C21orf91: variants seen among roughly 807,000 people sequenced by gnomAD.
C21orf91 encodes protein EURL homolog.
Under a neutral mutation model 32.9 loss-of-function variants are expected in C21orf91, and 26 were observed. The ratio of observed to expected loss-of-function variants is 0.79; its 90% CI spans 0.58 to 1.10. C21orf91 has a LOEUF of 1.10. Ranked by LOEUF, C21orf91 falls within the 50% of genes least tolerant of loss-of-function variation. The probability of loss-of-function intolerance (pLI) is 0.00; values close to 1 mark genes in which losing one functional copy is unlikely to be tolerated. For missense variants in C21orf91, 310 were observed against 341.3 expected, an observed-to-expected ratio of 0.91 and a Z score of 0.72; for synonymous variants, 126 against 120.4, an observed-to-expected ratio of 1.05 and a Z score of -0.31.
chr21:17,816,470 A>C (rs2062665364), intron 2 of C21orf91, among the ~76,000 whole-genome samples: 1 of 152,242 alleles, frequency 6.6e-6, no homozygotes. Flanking sequence ...AAGGATAACC[A>C]ATTAGGATTA....
rs78941194 is a variant in C21orf91 at position 17,795,940 on chromosome 21, T to C, written c.664+642A>G. Among the ~76,000 whole-genome samples the C allele has an allele frequency of 2.7e-3, 411 of 152,356 alleles. 13 individuals carry two copies. In the East Asian group the frequency reaches 0.072, roughly 27 times the overall value. The stretch of plus-strand genomic sequence containing the variant: ...AAGCTTATTTTGATTAAGCATTAGA[T>C]AGTTTATAACCTGCAGTTTGAAAAA... On this transcript the variant is annotated intron_variant, in intron 3 of 4. Coordinates refer to ENST00000284881, the MANE Select transcript of C21orf91 (RefSeq NM_001100420.2).
intron 2 of C21orf91, among the ~76,000 whole-genome samples, chr21:17,805,273 G>A (rs892100498): frequency 7.9e-5 from 12 of 152,160 alleles, no homozygotes; most frequent in Non-Finnish European, 2.9e-5. Context: ...AAGAGAACAT[G>A]GATAGAAGCT....
chr21:17,805,809 A>C (rs1171074853), intron 2 of C21orf91, among the ~76,000 whole-genome samples: 1 of 152,220 alleles, frequency 6.6e-6, no homozygotes, highest in Non-Finnish European at 1.5e-5. Context: ...AAAGGATTTA[A>C]GTGAATGTAC....
intron 1 of C21orf91, 38 bp from the exon 2 acceptor site, chr21:17,818,363 T>G: frequency 6.4e-7 from 1 of 1,563,832 alleles, no homozygotes; most frequent in Non-Finnish European, 8.7e-7. Flanking sequence ...CACAATTTCA[T>G]GAACCTGCCT....
intron 2 of C21orf91, among the ~76,000 whole-genome samples, chr21:17,804,429 T>C (rs2062582194): frequency 6.6e-6 from 1 of 152,212 alleles, no homozygotes; most frequent in Admixed American, 6.5e-5. Flanking sequence ...CTCACCCTCA[T>C]GCCTTTAGCT....
chr21:17,805,616 C>A (rs574291944), intron 2 of C21orf91, among the ~76,000 whole-genome samples: 3 of 152,188 alleles, frequency 2.0e-5, no homozygotes, highest in Middle Eastern at 3.4e-3. Context: ...ACCCAGCTAG[C>A]GTACTGATAT....
chr21:17,803,531 A>G (rs2062576132), intron 2 of C21orf91, among the ~76,000 whole-genome samples: 1 of 152,168 alleles, frequency 6.6e-6, no homozygotes, highest in Non-Finnish European at 1.5e-5. Flanking sequence ...AAAAGAAAAA[A>G]AAGTTTTTTA....
Position 17,790,623 on chromosome 21 carries a change from G to C in C21orf91, c.*2792C>G, listed in dbSNP as rs1264495610. 6.6e-6 allele frequency: 1 copy of C among 151,994 alleles called. No homozygotes were observed. The highest frequency in any genetic ancestry group is 1.5e-5 in the Non-Finnish European group (1 of 67,918). The allele number at this position is 151,994 out of a possible 1,614,324, so 9.4% of individuals were successfully genotyped here. A position where few individuals can be genotyped will look rare whatever the true frequency, so the allele number is the denominator to read the frequency against. ...TGCTCCACCATTGTGCATAGTCAACGACACAACAAAACACTATTCTGCTGC... is the reference window on the plus strand; with the variant it reads ...TGCTCCACCATTGTGCATAGTCAACCACACAACAAAACACTATTCTGCTGC... On this transcript the variant is annotated 3_prime_UTR_variant, in exon 5 of 5. Coordinates refer to ENST00000284881, the MANE Select transcript of C21orf91 (RefSeq NM_001100420.2).
intron 2 of C21orf91, among the ~76,000 whole-genome samples, chr21:17,806,525 G>A (rs1027267555): frequency 6.6e-6 from 1 of 152,120 alleles, no homozygotes. Context: ...AAAAAATGGA[G>A]GAGAGGGTAA....
At chr21:17,812,537 C>T (rs1192705246) in intron 2 of C21orf91, among the ~76,000 whole-genome samples, 2 of 152,136 alleles carry the variant, frequency 1.3e-5, no homozygotes, top group South Asian at 2.1e-4. Context: ...TGGCCGGGCG[C>T]GGTGGCTCAC....
chr21:17,791,400 T>C lies in C21orf91; in HGVS notation c.*2015A>G, dbSNP rs2062472916. 1.3e-5 allele frequency: 2 copies of C among 152,160 alleles called. No homozygotes were observed. Among genetic ancestry groups the C allele is most frequent in the African/African-American group, 2.4e-5 (1 of 41,456 alleles). The allele number at this position is 152,160 out of a possible 1,614,324, so 9.4% of individuals were successfully genotyped here. A position where few individuals can be genotyped will look rare whatever the true frequency, so the allele number is the denominator to read the frequency against. On this transcript the variant is annotated 3_prime_UTR_variant, in exon 5 of 5. Coordinates refer to ENST00000284881, the MANE Select transcript of C21orf91 (RefSeq NM_001100420.2). ...TTCCGTACTCATTAGCAAAGCTATGTATATTTGTCAGAAAACTCCTTTCTT... is the reference window on the plus strand; with the variant it reads ...TTCCGTACTCATTAGCAAAGCTATGCATATTTGTCAGAAAACTCCTTTCTT...
chr21:17,815,595 G>A (rs1018593949), intron 2 of C21orf91, among the ~76,000 whole-genome samples: 1 of 151,734 alleles, frequency 6.6e-6, no homozygotes, highest in Non-Finnish European at 1.5e-5. Context: ...CTAAAGACCC[G>A]TATACTGATA....
chr21:17,800,002 T>G lies in C21orf91; in HGVS notation c.128-2884A>C, dbSNP rs559658373. Among the ~76,000 whole-genome samples, 13 of 152,324 alleles carry G rather than the reference T, an allele frequency of 8.5e-5. No individual in the cohort carries two copies. In the South Asian group the frequency reaches 2.7e-3, roughly 32 times the overall value. ...CTTTCAGTGAAGTTACTCCTATATT[T>G]AGTCTAATGGGCTATTAGTCTAAAG... is the stretch of plus-strand genomic sequence containing the variant. On this transcript the variant is annotated intron_variant, in intron 2 of 4. Transcript: ENST00000284881.
rs1230721245 is a variant in C21orf91 at position 17,789,682 on chromosome 21, C to A, written c.*3733G>T. 1.3e-5 allele frequency: 2 copies of A among 152,164 alleles called. No individual in the cohort carries two copies. Among genetic ancestry groups the A allele is most frequent in the East Asian group, 3.9e-4 (2 of 5,192 alleles). 9.4% of individuals were successfully genotyped at this position (152,164 alleles called of 1,614,324 possible). On this transcript the variant is annotated 3_prime_UTR_variant, in exon 5 of 5. Coordinates refer to ENST00000284881, the MANE Select transcript of C21orf91 (RefSeq NM_001100420.2). ...AGAAGTTGCTTAATAGGTTAGACTG[C>A]ACCATAATCAAGGCAATTATGAAAG...
At chr21:17,799,479 T>G (rs1288371971) in intron 2 of C21orf91, among the ~76,000 whole-genome samples, 3 of 152,150 alleles carry the variant, frequency 2.0e-5, no homozygotes, top group Non-Finnish European at 4.4e-5. Flanking sequence ...CCTTGAAAGC[T>G]CTTCACTCCC....
At chr21:17,819,254 T>TG (rs1238048001) in intron 1 of C21orf91, 49 bp downstream of exon 1, 4 of 152,248 alleles carry the variant, frequency 2.6e-5, no homozygotes, top group Non-Finnish European at 5.9e-5. Context: ...ACGATGGGAC[T>TG]GGGGGTCGGG....
intron 2 of C21orf91, among the ~76,000 whole-genome samples, chr21:17,801,128 T>C (rs549122398): frequency 1.3e-5 from 2 of 152,180 alleles, no homozygotes; most frequent in Non-Finnish European, 2.9e-5. Flanking sequence ...CTAGTCACAA[T>C]AGCAAAGACA....
intron 2 of C21orf91, 85 bp from the exon 3 acceptor site, chr21:17,797,203 CAG>C: frequency 1.2e-6 from 1 of 826,890 alleles, no homozygotes; most frequent in Non-Finnish European, 1.9e-6. Flanking sequence ...TTAGTAAAAT[CAG>C]AGTCCCTGAT....
intron 2 of C21orf91, among the ~76,000 whole-genome samples, chr21:17,811,765 G>A (rs2062634020): frequency 6.6e-6 from 1 of 152,034 alleles, no homozygotes; most frequent in Non-Finnish European, 1.5e-5. Flanking sequence ...GAAACAGAAA[G>A]TCATTTCTAT....
Sources: allele counts gnomAD v4.1 joint callset (sites outside exome capture counted in the v4.1 genomes callset), GRCh38; gene constraint gnomAD v4.1.1; transcripts MANE v1.5; gene names NCBI Gene and HGNC (gene_info 2026-07-23, HGNC 2026-07-21).